Variants in GDI2 observed in about 807,000 individuals in gnomAD.
GDI2 encodes the protein rab GDP dissociation inhibitor beta.
GDI2 carries 22 observed loss-of-function variants against 54.2 expected under a neutral mutation model. That is an observed-to-expected ratio of 0.41 (90% CI 0.29 to 0.58). GDI2 has a LOEUF of 0.58. Among genes scored for constraint, GDI2 ranks in the 20% least tolerant of loss-of-function variants. The probability of loss-of-function intolerance (pLI) is 0.35; values close to 1 mark genes in which losing one functional copy is unlikely to be tolerated. For missense variants in GDI2, 422 were observed against 546.0 expected (o/e 0.77, Z 2.26); for synonymous variants, 177 against 182.1 (o/e 0.97, Z 0.23).
chr10:5,781,603 C>G (rs986254669), intron 6 of GDI2, among the ~76,000 whole-genome samples: 6 of 110,110 alleles, frequency 5.4e-5, no homozygotes, highest in African/African-American at 2.1e-4. Context: ...CCGGCCTGGG[C>G]AAAACACCCA....
Position 5,794,901 on chromosome 10 carries a change from T to G in GDI2, c.372A>C (p.Ala124=). 6.2e-7 allele frequency: 1 copy of G among 1,604,872 alleles called. No homozygotes were observed. Among genetic ancestry groups the G allele is most frequent in the Non-Finnish European group, 8.5e-7 (1 of 1,172,262 alleles). ...GKIYKVPSTE[A]EALASSLMGL... is the part of the protein sequence containing the mutation. The stretch of plus-strand genomic sequence containing the variant: ...ACTACTTACTAGATGCCAGGGCTTC[T>G]GCTTCAGTGGAAGGAACCTTGTAGA... The change falls in exon 4 of 11, where the codon GCA becomes GCC. Residue 124 remains alanine (A), a synonymous_variant. Transcript: ENST00000380191.
chr10:5,808,334 C>T (rs1841418018), intron 1 of GDI2, among the ~76,000 whole-genome samples: 1 of 149,632 alleles, frequency 6.7e-6, no homozygotes, highest in Admixed American at 6.6e-5. Context: ...CAAAAACAAA[C>T]AAACAAAAAA....
At position 5,774,732 on chromosome 10, in the gene GDI2, T is replaced by C. The variant is rs1368167984; in HGVS notation, c.720-791A>G. Among the ~76,000 whole-genome samples, 1 of 152,086 alleles carries C rather than the reference T, an allele frequency of 6.6e-6. No homozygotes were observed. The highest frequency in any genetic ancestry group is 1.5e-5 in the Non-Finnish European group (1 of 68,014). ...CCTAAAGCCATGCGATGTCTGGGTTTTACTCTGCTTCTTCAACTAAAATCG... is the reference window on the plus strand; with the variant it reads ...CCTAAAGCCATGCGATGTCTGGGTTCTACTCTGCTTCTTCAACTAAAATCG... On this transcript the variant is annotated intron_variant, in intron 6 of 10. Transcript: ENST00000380191. This position sits in a 1 kb window ranked among gnomAD's most constrained non-coding sequence, Gnocchi z 4.8.
chr10:5,776,746 A>T lies in GDI2; in HGVS notation c.720-2805T>A. ...CTTTAACCTGGCAGAAGTTTGCAGC[A>T]AATACCAGGAAAGCCAAGGACATTC... On this transcript the variant is annotated intron_variant, in intron 6 of 10. Coordinates refer to ENST00000380191, the MANE Select transcript of GDI2 (RefSeq NM_001494.4). This position sits in a 1 kb window ranked among gnomAD's most constrained non-coding sequence, Gnocchi z 5.3. 1.3e-6 allele frequency: 2 copies of T among 1,523,462 alleles called. No individual in the cohort carries two copies. The highest frequency in any genetic ancestry group is 1.8e-6 in the Non-Finnish European group (2 of 1,101,960). 94.4% of individuals were successfully genotyped at this position (1,523,462 alleles called of 1,614,324 possible). A position where few individuals can be genotyped will look rare whatever the true frequency, so the allele number is the denominator to read the frequency against.
At chr10:5,781,173 TAAAA>T (rs56401510) in intron 6 of GDI2, among the ~76,000 whole-genome samples, 1 of 134,066 alleles carries the variant, frequency 7.5e-6, no homozygotes, top group Non-Finnish European at 1.6e-5. Context: ...TATTCGTATG[TAAAA>T]AAAAAAAAGA....
At chr10:5,810,405 A>G (rs551116190) in intron 1 of GDI2, among the ~76,000 whole-genome samples, 1 of 152,220 alleles carries the variant, frequency 6.6e-6, no homozygotes, top group Non-Finnish European at 1.5e-5. Context: ...ATAGTGAACT[A>G]TGTGCAAATT....
intron 1 of GDI2, among the ~76,000 whole-genome samples, chr10:5,808,195 C>T (rs781204409): frequency 6.6e-6 from 1 of 151,938 alleles, no homozygotes; most frequent in East Asian, 1.9e-4. Flanking sequence ...AAACTACATG[C>T]CTCCTGTAGT....
In GDI2 at chr10:5,765,931, C is replaced by G; in HGVS notation, c.*75G>C. On this transcript the variant is annotated 3_prime_UTR_variant, in exon 11 of 11. Coordinates refer to ENST00000380191, the MANE Select transcript of GDI2 (RefSeq NM_001494.4). ...ATTTTCATTACAAAAGCAGGCCTTA[C>G]AATATTGATTTCATTATATGCATTA... 1 of 1,067,040 alleles carries G rather than the reference C, an allele frequency of 9.4e-7. No homozygotes were observed. Among genetic ancestry groups the G allele is most frequent in the Non-Finnish European group, 1.4e-6 (1 of 734,174 alleles). 66.1% of individuals were successfully genotyped at this position (1,067,040 alleles called of 1,614,324 possible).
At chr10:5,771,436 C>T (rs1291950227) in intron 7 of GDI2, among the ~76,000 whole-genome samples, 2 of 152,198 alleles carry the variant, frequency 1.3e-5, no homozygotes, top group African/African-American at 4.8e-5. Context: ...TGCACAGACC[C>T]TTTTTCCAGC....
intron 1 of GDI2, among the ~76,000 whole-genome samples, chr10:5,808,697 TAAAAAAA>T (rs56672226): frequency 2.3e-5 from 2 of 86,246 alleles, no homozygotes; most frequent in East Asian, 6.7e-4. Context: ...TTGTTGTTAT[TAAAAAAA>T]AAAAAAAAAA....
chr10:5,795,847 A>G (rs1037564768), intron 3 of GDI2, among the ~76,000 whole-genome samples: 4 of 152,214 alleles, frequency 2.6e-5, no homozygotes, highest in African/African-American at 9.6e-5. Context: ...ACTTGAACCT[A>G]GAAGTCAAGG....
intron 7 of GDI2, among the ~76,000 whole-genome samples, chr10:5,771,168 C>T (rs1256066630): frequency 6.6e-6 from 1 of 152,194 alleles, no homozygotes; most frequent in Admixed American, 6.5e-5. Context: ...TCGGTAACTA[C>T]TGAAACTAGC....
chr10:5,783,082 G>A (rs982385403), intron 6 of GDI2, among the ~76,000 whole-genome samples: 23 of 152,328 alleles, frequency 1.5e-4, no homozygotes, highest in African/African-American at 5.3e-4. Flanking sequence ...CACAGAGGTG[G>A]TTGCTGGGGA....
At chr10:5,808,795 C>A (rs975973740) in intron 1 of GDI2, among the ~76,000 whole-genome samples, 1 of 148,578 alleles carries the variant, frequency 6.7e-6, no homozygotes, top group African/African-American at 2.5e-5. Context: ...TATTAAAGTG[C>A]CTTTTCAAAA....
intron 6 of GDI2, among the ~76,000 whole-genome samples, chr10:5,784,019 C>T (rs1588974896): frequency 6.6e-6 from 1 of 152,186 alleles, no homozygotes; most frequent in Non-Finnish European, 1.5e-5. Context: ...CTCAATTAAT[C>T]CCTCAAATTT....
chr10:5,805,965 T>A (rs1841371028), intron 1 of GDI2, among the ~76,000 whole-genome samples: 1 of 152,228 alleles, frequency 6.6e-6, no homozygotes, highest in Non-Finnish European at 1.5e-5. Flanking sequence ...TTACTCCTGG[T>A]GGATATTTGG....
intron 1 of GDI2, among the ~76,000 whole-genome samples, chr10:5,806,835 T>G (rs74655872): frequency 0.014 from 2,083 of 152,298 alleles, 48 homozygotes; most frequent in African/African-American, 0.048. Context: ...CTGACAAAAG[T>G]AGACTGCAGA....
intron 4 of GDI2, among the ~76,000 whole-genome samples, chr10:5,791,794 T>C (rs1564395205): frequency 2.0e-5 from 3 of 150,078 alleles, no homozygotes; most frequent in Admixed American, 2.0e-4. Context: ...CGTGCGCCTG[T>C]AATCCCAGCT....
chr10:5,798,330 G>GT (rs2131712171), intron 2 of GDI2, among the ~76,000 whole-genome samples: 1 of 152,318 alleles, frequency 6.6e-6, no homozygotes, highest in South Asian at 2.1e-4. Context: ...GCTCATGCCT[G>GT]TAATTCCAGC....
Sources: allele counts gnomAD v4.1 joint callset (sites outside exome capture counted in the v4.1 genomes callset), GRCh38; gene constraint gnomAD v4.1.1; non-coding constraint Gnocchi (gnomAD v3.1); transcripts MANE v1.5; gene names NCBI Gene and HGNC (gene_info 2026-07-23, HGNC 2026-07-21).